The following SETD1B variants were observed in gnomAD, a reference collection of about 807,000 sequenced individuals.
The protein encoded by SETD1B is SET domain containing 1B, histone lysine methyltransferase.
SETD1B carries 7 observed loss-of-function variants against 148.0 expected under a neutral mutation model. That is an observed-to-expected ratio of 0.05 (90% CI 0.03 to 0.09). The LOEUF is 0.09. Among genes scored for constraint, SETD1B ranks in the 10% least tolerant of loss-of-function variants. The pLI, the probability that SETD1B is intolerant of heterozygous loss-of-function variation, is 1.00. For synonymous variants in SETD1B, 1,361 were observed against 1,186.5 expected, an observed-to-expected ratio of 1.15 and a Z score of -3.02; for missense variants, 2,155 against 2,729.9, an observed-to-expected ratio of 0.79 and a Z score of 4.69.
intron 6 of SETD1B, among the ~76,000 whole-genome samples, chr12:121,812,507 C>G (rs1335181332): frequency 6.6e-6 from 1 of 152,016 alleles, no homozygotes; most frequent in Non-Finnish European, 1.5e-5. Context: ...TCCCAGTTCT[C>G]AGCAAATTCC....
chr12:121,823,281 C>T lies in SETD1B; in HGVS notation c.4702C>T (p.Arg1568Trp), dbSNP rs899799427. The change falls in exon 12 of 17, where the codon CGG becomes TGG. Residue 1568 changes from arginine to tryptophan, a missense_variant. By Grantham distance (101) the Arg-to-Trp change is moderately radical (BLOSUM62 -3). Around this residue, in one of 11 missense-constraint regions of SETD1B, gnomAD observed 862 missense variants for 873.8 expected, o/e 0.99. Coordinates refer to ENST00000604567, the MANE Select transcript of SETD1B (RefSeq NM_001353345.2). ...CGTCTTCCCCAGCACCCATGACCCC[C>T]GGACGGTGACCCTGGACTTCCGGAA... The part of the protein sequence containing the change: ...TPVFPSTHDP[R>W]TVTLDFRNAG... The T allele has an allele frequency of 2.5e-5, 39 of 1,549,628 alleles. No homozygotes were observed. Among genetic ancestry groups the T allele is most frequent in the Admixed American group, 1.6e-4 (8 of 50,986 alleles).
chr12:121,827,830 G>C lies in SETD1B; in HGVS notation c.5565G>C (p.Glu1855Asp). ...TCGCGGCTGACGAGATGGTCATCGA[G>C]TACGTGGGCCAGAATATCCGTCAGG... Reference protein sequence around the residue: ...EPIAADEMVIEYVGQNIRQVI... With the variant: ...EPIAADEMVIDYVGQNIRQVI... Residue 1855 changes from glutamate to aspartate, a missense_variant, in exon 15 of 17, where the codon GAG becomes GAC. Around this residue, in one of 11 missense-constraint regions of SETD1B, gnomAD observed 51 missense variants for 162.8 expected, o/e 0.31. Transcript: ENST00000604567. 6.4e-7 allele frequency: 1 copy of C among 1,560,536 alleles called. No homozygotes were observed. Among genetic ancestry groups the C allele is most frequent in the Non-Finnish European group, 8.7e-7 (1 of 1,151,524 alleles).
Position 121,830,654 on chromosome 12 carries a change from CG to C in SETD1B, c.*416del. 6.3e-6 allele frequency: 1 copy of C among 157,822 alleles called. No individual in the cohort carries two copies. Among genetic ancestry groups the C allele is most frequent in the Non-Finnish European group, 1.4e-5 (1 of 71,684 alleles). 9.8% of individuals were successfully genotyped at this position (157,822 alleles called of 1,614,324 possible). A position where few individuals can be genotyped will look rare whatever the true frequency, so the allele number is the denominator to read the frequency against. ...CTCGTTGTGAGAAAAGACATTTAACCGTTGAAATGTGAAGGTGGAATCAGAG... is the reference window on the plus strand; with the variant it reads ...CTCGTTGTGAGAAAAGACATTTAACCTTGAAATGTGAAGGTGGAATCAGAG... On this transcript the variant is annotated 3_prime_UTR_variant, in exon 17 of 17. Transcript: ENST00000604567. The surrounding 1 kb of genome is among the most constrained non-coding windows in gnomAD (Gnocchi z 5.7).
Position 121,804,025 on chromosome 12 carries a change from G to C in SETD1B, c.-223G>C, listed in dbSNP as rs1442001434. ...CTTAGCGGTGTATTGTGGGATGTGC[G>C]GCTACTGGGAGCCGAGCCTCCGCCG... On this transcript the variant is annotated 5_prime_UTR_variant, in exon 1 of 17. Transcript: ENST00000604567. This position sits in a 1 kb window ranked among gnomAD's most constrained non-coding sequence, Gnocchi z 4.6. 1 of 152,736 alleles carries C rather than the reference G, an allele frequency of 6.5e-6. No homozygotes were observed. The highest frequency in any genetic ancestry group is 1.5e-5 in the Non-Finnish European group (1 of 68,244). The allele number at this position is 152,736 out of a possible 1,614,324, so 9.5% of individuals were successfully genotyped here. A position where few individuals can be genotyped will look rare whatever the true frequency, so the allele number is the denominator to read the frequency against.
At chr12:121,801,611 G>T (rs1380338807), upstream of SETD1B, 1 of 152,636 alleles carries the variant, frequency 6.6e-6, no homozygotes, top group African/African-American at 2.4e-5. Context: ...AGATCAAGCT[G>T]GGCGGTGGTT....
At chr12:121,811,400 A>G (rs1027174393) in intron 6 of SETD1B, among the ~76,000 whole-genome samples, 6 of 132,156 alleles carry the variant, frequency 4.5e-5, no homozygotes, top group African/African-American at 1.7e-4. Context: ...TTCTTCTCCC[A>G]CTGGCTCCAG....
chr12:121,813,025 A>G (rs1480047646), intron 6 of SETD1B, among the ~76,000 whole-genome samples: 2 of 148,910 alleles, frequency 1.3e-5, no homozygotes, highest in African/African-American at 5.0e-5. Flanking sequence ...CCCCACGCCC[A>G]TCCTTGACAC....
chr12:121,830,530 C>CG lies in SETD1B; in HGVS notation c.*291_*292insG. The CG allele has an allele frequency of 3.2e-6, 1 of 315,990 alleles. No homozygotes were observed. Among genetic ancestry groups the CG allele is most frequent in the Non-Finnish European group, 5.9e-6 (1 of 170,110 alleles). 19.6% of individuals were successfully genotyped at this position (315,990 alleles called of 1,614,324 possible). ...ATCAGCTTCTCTCTCTCCGTCTCTC[C>CG]TCCCCTCTCTCTCTTCTCTGTCTCT... is the stretch of plus-strand genomic sequence containing the variant. On this transcript the variant is annotated 3_prime_UTR_variant, in exon 17 of 17. Transcript: ENST00000604567. This position sits in a 1 kb window ranked among gnomAD's most constrained non-coding sequence, Gnocchi z 5.7.
At chr12:121,816,054 C>T (rs1378677053) in intron 7 of SETD1B, among the ~76,000 whole-genome samples, 1 of 152,096 alleles carries the variant, frequency 6.6e-6, no homozygotes, top group African/African-American at 2.4e-5. Flanking sequence ...TCTCGAACTC[C>T]TGACCTCAAG....
the SETD1B span, chr12:121,797,450 C>T: frequency 2.2e-6 from 1 of 456,342 alleles, no homozygotes; most frequent in South Asian, 1.5e-5. Context: ...GCCTCACCCT[C>T]CCTGCCCCAA....
At chr12:121,812,540 G>C (rs1014672294) in intron 6 of SETD1B, among the ~76,000 whole-genome samples, 1 of 152,148 alleles carries the variant, frequency 6.6e-6, no homozygotes, top group African/African-American at 2.4e-5. Context: ...CCCCGAGACT[G>C]CTGGGCAGAG....
intron 13 of SETD1B, 107 bp downstream of exon 13, chr12:121,825,473 G>C: frequency 9.3e-7 from 1 of 1,074,350 alleles, no homozygotes; most frequent in Non-Finnish European, 1.3e-6. Flanking sequence ...TGAGGCCAGA[G>C]GGGCTGGCAC....
At chr12:121,799,719 G>GGGGGGGGT (rs1202436195), upstream of SETD1B, 3 of 83,262 alleles carry the variant, frequency 3.6e-5, no homozygotes, top group South Asian at 4.7e-4. Flanking sequence ...CTCGCAGCTG[G>GGGGGGGGT]GGGGGGGGGG....
At chr12:121,806,920 C>T (rs1398152796) in intron 4 of SETD1B, among the ~76,000 whole-genome samples, 3 of 152,150 alleles carry the variant, frequency 2.0e-5, no homozygotes, top group Non-Finnish European at 4.4e-5. Flanking sequence ...GGGAAGCTCC[C>T]ACCTATAAAA....
At position 121,804,439 on chromosome 12, in the gene SETD1B, G is replaced by A. The variant is rs1037056274; in HGVS notation, c.-15+206G>A. Among the ~76,000 whole-genome samples the A allele has an allele frequency of 3.6e-4, 54 of 149,320 alleles. No homozygotes were observed. The highest frequency in any genetic ancestry group is 6.3e-4 in the Non-Finnish European group (42 of 67,008). On this transcript the variant is annotated intron_variant, in intron 1 of 16. Coordinates refer to ENST00000604567, the MANE Select transcript of SETD1B (RefSeq NM_001353345.2). The surrounding 1 kb of genome is among the most constrained non-coding windows in gnomAD (Gnocchi z 4.6). ...GCGGGCACCATGGGCCGGAGTCCGC[G>A]TCCTCCGGGCGCCCCGGGCCCCGCC...
chr12:121,809,766 C>T lies in SETD1B; in HGVS notation c.821C>T (p.Pro274Leu), dbSNP rs1310022642. 2.3e-5 allele frequency: 35 copies of T among 1,551,564 alleles called. No individual in the cohort carries two copies. Among genetic ancestry groups the T allele is most frequent in the Non-Finnish European group, 2.9e-5 (33 of 1,146,988 alleles). ...DTPNSYGQGT[P>L]LTPRLGTPFS... ...CCCAACTCCTATGGACAGGGCACCC[C>T]GCTCACACCGCGCCTGGGCACCCCT... is the stretch of plus-strand genomic sequence containing the variant. Residue 274 changes from proline (P) to leucine (L), a missense_variant, in exon 6 of 17, where the codon CCG becomes CTG. By Grantham distance (98) the Pro-to-Leu change is moderately conservative. This residue lies in a region of SETD1B where 376 missense variants were observed against 385.0 expected (regional missense o/e 0.98). Transcript: ENST00000604567.
Position 121,809,845 on chromosome 12 carries a change from C to A in SETD1B, c.900C>A (p.Phe300Leu), listed in dbSNP as rs759341809. Residue 300 changes from phenylalanine to leucine, a missense_variant, in exon 6 of 17, where the codon TTC becomes TTA. Phe to Leu is a conservative substitution (Grantham distance 22). Around this residue, in one of 11 missense-constraint regions of SETD1B, gnomAD observed 376 missense variants for 385.0 expected, o/e 0.98. Transcript: ENST00000604567. ...SSRQPTPSYL[F>L]SQDPAVTFKA... ...GCCAGCCCACACCCTCATACCTCTT[C>A]AGCCAGGACCCTGCAGTGACCTTCA... 8 of 1,551,442 alleles carry A rather than the reference C, an allele frequency of 5.2e-6. No homozygotes were observed. The South Asian group carries it at 9.5e-5, about 18-fold the overall frequency.
At chr12:121,797,298 G>A in the SETD1B span, 1 of 384,502 alleles carries the variant, frequency 2.6e-6, no homozygotes, top group Non-Finnish European at 5.1e-6. Context: ...CCACCTCCTG[G>A]CCGGCCCTTC....
In SETD1B at chr12:121,810,854, A is replaced by G. The variant is rs187551273; in HGVS notation, c.1890+19A>G. The G allele has an allele frequency of 1.4e-6, 2 of 1,477,092 alleles. No individual in the cohort carries two copies. The highest frequency in any genetic ancestry group is 1.4e-5 in the African/African-American group (1 of 70,680). The allele number at this position is 1,477,092 out of a possible 1,614,324, so 91.5% of individuals were successfully genotyped here. A position where few individuals can be genotyped will look rare whatever the true frequency, so the allele number is the denominator to read the frequency against. On this transcript the variant is annotated intron_variant, in intron 6 of 16. Coordinates refer to ENST00000604567, the MANE Select transcript of SETD1B (RefSeq NM_001353345.2). This position sits in a 1 kb window ranked among gnomAD's most constrained non-coding sequence, Gnocchi z 7.6. Reference sequence around the variant, plus strand: ...GGATGAGGTACCACCGTGTCTGTCCATCTGTCTGGGACTGGTTTTGTCTAT... The same window carrying G: ...GGATGAGGTACCACCGTGTCTGTCCGTCTGTCTGGGACTGGTTTTGTCTAT...
Sources: allele counts gnomAD v4.1 joint callset (sites outside exome capture counted in the v4.1 genomes callset), GRCh38; gene constraint gnomAD v4.1.1; regional missense constraint gnomAD v4.1.1; non-coding constraint Gnocchi (gnomAD v3.1); transcripts MANE v1.5; gene names NCBI Gene and HGNC (gene_info 2026-07-23, HGNC 2026-07-21).